Variants in ESYT2 observed in about 807,000 individuals in gnomAD.
ESYT2 encodes extended synaptotagmin 2.
Under a neutral mutation model 107.2 loss-of-function variants are expected in ESYT2, and 54 were observed. That is an observed-to-expected ratio of 0.50 (90% CI 0.40 to 0.63). ESYT2 has a LOEUF of 0.63. Ranked by LOEUF, ESYT2 falls within the 30% of genes least tolerant of loss-of-function variation. The probability of loss-of-function intolerance (pLI) is 0.00; values close to 1 mark genes in which losing one functional copy is unlikely to be tolerated. For missense variants in ESYT2, 1,020 were observed against 1,094.5 expected, an observed-to-expected ratio of 0.93 and a Z score of 0.96; for synonymous variants, 491 against 434.1, an observed-to-expected ratio of 1.13 and a Z score of -1.63.
chr7:158,764,799 A>G lies in ESYT2; in HGVS notation c.979T>C (p.Tyr327His). The G allele has an allele frequency of 6.2e-7, 1 of 1,614,194 alleles. No individual in the cohort carries two copies. The highest frequency in any genetic ancestry group is 1.1e-5 in the South Asian group (1 of 91,086). ...TTTCCCTTGACAAGTCCCTTAAGGT[A>G]AGTGTCTTTCCCCTGAAGATCCTGA... Reference protein sequence around the residue: ...EAQDLQGKDTYLKGLVKGKSD... With the variant: ...EAQDLQGKDTHLKGLVKGKSD... The change falls in exon 9 of 23, where the codon TAC becomes CAC. Residue 327 changes from tyrosine (Y) to histidine (H), a missense_variant. Physicochemically the swap from Tyr to His is moderately conservative, Grantham distance 83. Coordinates refer to ENST00000275418, the MANE Select transcript of ESYT2 (RefSeq NM_001367773.1).
intron 6 of ESYT2, among the ~76,000 whole-genome samples, chr7:158,786,590 A>T (rs1839124376): frequency 6.6e-6 from 1 of 152,244 alleles, no homozygotes; most frequent in Non-Finnish European, 1.5e-5. Context: ...TTCAGTAATA[A>T]GAAAATCAGA....
chr7:158,754,510 C>T (rs1007596188), intron 13 of ESYT2, among the ~76,000 whole-genome samples: 2 of 149,062 alleles, frequency 1.3e-5, no homozygotes, highest in African/African-American at 4.9e-5. Flanking sequence ...TGTGCCCGGC[C>T]TTTTTTTTTT....
At chr7:158,759,858 T>C (rs1398475448) in intron 12 of ESYT2, among the ~76,000 whole-genome samples, 200 bp downstream of exon 12, 2 of 152,222 alleles carry the variant, frequency 1.3e-5, no homozygotes, top group Non-Finnish European at 2.9e-5. Context: ...AAAACAGGTA[T>C]GAAGGACCTA....
intron 21 of ESYT2, 143 bp downstream of exon 21, chr7:158,735,360 T>C: frequency 1.6e-6 from 1 of 641,936 alleles, no homozygotes; most frequent in Non-Finnish European, 2.7e-6. Flanking sequence ...TGACTGTCTT[T>C]ATAGCCCATG....
At chr7:158,744,812 A>G (rs893797470) in intron 16 of ESYT2, among the ~76,000 whole-genome samples, 2 of 152,246 alleles carry the variant, frequency 1.3e-5, no homozygotes, top group African/African-American at 2.4e-5. Flanking sequence ...AAATTAACAC[A>G]TAACTACTCA....
At position 158,799,035 on chromosome 7, in the gene ESYT2, T is replaced by C; in HGVS notation, c.368A>G (p.Asn123Ser). 6.2e-7 allele frequency: 1 copy of C among 1,613,534 alleles called. No homozygotes were observed. Among genetic ancestry groups the C allele is most frequent in the Non-Finnish European group, 8.5e-7 (1 of 1,179,512 alleles). The change falls in exon 2 of 23, where the codon AAT (asparagine) becomes AGT (serine). Residue 123 changes from asparagine (N) to serine (S), a missense_variant. Asn to Ser is a conservative substitution (Grantham distance 46). Coordinates refer to ENST00000275418, the MANE Select transcript of ESYT2 (RefSeq NM_001367773.1). The stretch of plus-strand genomic sequence containing the variant: ...GTTGGTATACTCTAATCTTACCTTA[T>C]TTAGCCATTCTGCTCTTTCAGTGTC... The part of the protein sequence containing the change: ...FPDTERAEWL[N>S]KTVKHMWPFI...
At chr7:158,765,251 C>T (rs909680474) in intron 8 of ESYT2, among the ~76,000 whole-genome samples, 2 of 152,248 alleles carry the variant, frequency 1.3e-5, no homozygotes, top group African/African-American at 2.4e-5. Flanking sequence ...ACAGGCCACC[C>T]AGCTGTACTA....
chr7:158,769,924 T>A (rs867067811), intron 7 of ESYT2, among the ~76,000 whole-genome samples: 6 of 152,122 alleles, frequency 3.9e-5, no homozygotes, highest in Non-Finnish European at 5.9e-5. Flanking sequence ...TTTATTTTTT[T>A]AATTAATTTA....
At chr7:158,786,361 G>GT (rs1004590422) in intron 6 of ESYT2, among the ~76,000 whole-genome samples, 7 of 152,012 alleles carry the variant, frequency 4.6e-5, no homozygotes, top group African/African-American at 1.5e-4. Context: ...GATTACTGAG[G>GT]TTTTTTTGGT....
At position 158,785,897 on chromosome 7, in the gene ESYT2, A is replaced by T. The variant is rs76810936; in HGVS notation, c.747+2107T>A. On this transcript the variant is annotated intron_variant, in intron 6 of 22. Coordinates refer to ENST00000275418, the MANE Select transcript of ESYT2 (RefSeq NM_001367773.1). The stretch of plus-strand genomic sequence containing the variant: ...ATAAAGGTTTCGTAAGGGTTTCTAA[A>T]TCATCCAAATAGTAGAAAGAAATTT... Among the ~76,000 whole-genome samples, 807 of 152,350 alleles carry T rather than the reference A, an allele frequency of 5.3e-3. 43 individuals are homozygous for T. The East Asian group carries it at 0.12, about 22-fold the overall frequency.
chr7:158,748,966 A>T (rs547836065), intron 15 of ESYT2, among the ~76,000 whole-genome samples: 7 of 152,236 alleles, frequency 4.6e-5, no homozygotes, highest in South Asian at 2.1e-4. Context: ...TCGTAATTCT[A>T]ACTGTATTGG....
rs774662806 is a variant in ESYT2 at position 158,731,012 on chromosome 7, G to A, written c.*3195C>T. On this transcript the variant is annotated 3_prime_UTR_variant, in exon 23 of 23. Coordinates refer to ENST00000275418, the MANE Select transcript of ESYT2 (RefSeq NM_001367773.1). The stretch of plus-strand genomic sequence containing the variant: ...AAATCACGACTGAGCTAACATAAAG[G>A]TTTTATTGAATAAATACATGCACTG... The A allele has an allele frequency of 6.6e-6, 1 of 152,164 alleles. No homozygotes were observed. The highest frequency in any genetic ancestry group is 1.5e-5 in the Non-Finnish European group (1 of 68,034). The allele number at this position is 152,164 out of a possible 1,614,324, so 9.4% of individuals were successfully genotyped here.
Position 158,735,623 on chromosome 7 carries a change from G to C in ESYT2, c.2400-15C>G, listed in dbSNP as rs371896081. On this transcript the variant is annotated splice_polypyrimidine_tract_variant and intron_variant, in intron 20 of 22. Transcript: ENST00000275418. ...TGAAATCAAAGCTGAAATAGGAAAC[G>C]AGAGCCTTACTTTATCCATCATTCT... The C allele has an allele frequency of 3.1e-6, 5 of 1,602,380 alleles. No individual in the cohort carries two copies. The highest frequency in any genetic ancestry group is 4.3e-6 in the Non-Finnish European group (5 of 1,169,868).
intron 9 of ESYT2, 52 bp from the exon 10 acceptor site, chr7:158,763,217 C>T (rs760738169): frequency 1.8e-5 from 24 of 1,302,424 alleles, no homozygotes; most frequent in Middle Eastern, 1.9e-4. Flanking sequence ...TATAGTCATA[C>T]ACTGAGTATG....
At position 158,829,139 on chromosome 7, in the gene ESYT2, C is replaced by A. The variant is rs755201168; in HGVS notation, c.280G>T (p.Glu94Ter). Residue 94 changes from glutamate (E) to a stop codon, truncating the protein, a stop_gained, in exon 1 of 23, where the codon GAG (glutamate) becomes TAG (stop). Coordinates refer to ENST00000275418, the MANE Select transcript of ESYT2 (RefSeq NM_001367773.1). LOFTEE classifies it high-confidence loss of function. ...LCRALALLED[E>*]ERVVRLGVRA... ...ACCCCCAGGCGCACGACGCGCTCCT[C>A]GTCTTCCAGCAGCGCCAGCGCGCGG... is the stretch of plus-strand genomic sequence containing the variant. The A allele has an allele frequency of 6.4e-7, 1 of 1,568,894 alleles. No homozygotes were observed. The highest frequency in any genetic ancestry group is 8.6e-7 in the Non-Finnish European group (1 of 1,166,610).
At chr7:158,782,321 AGT>A (rs1224785720) in intron 6 of ESYT2, among the ~76,000 whole-genome samples, 25 of 139,882 alleles carry the variant, frequency 1.8e-4, no homozygotes, top group East Asian at 1.6e-3. Context: ...TGAGTGAACG[AGT>A]GTGAGAACAG....
At chr7:158,764,886 T>G in intron 8 of ESYT2, 33 bp from the exon 9 acceptor site, 1 of 1,601,676 alleles carries the variant, frequency 6.2e-7, no homozygotes, top group Non-Finnish European at 8.5e-7. Context: ...GTTTAGACCC[T>G]TGGCTGGCTT....
intron 21 of ESYT2, 23 bp downstream of exon 21, chr7:158,735,480 T>G: frequency 6.3e-7 from 1 of 1,591,516 alleles, no homozygotes; most frequent in Non-Finnish European, 8.6e-7. Context: ...CAGGAACTGG[T>G]TGAGGATTCG....
intron 21 of ESYT2, among the ~76,000 whole-genome samples, chr7:158,734,934 C>G (rs2129471084): frequency 6.6e-6 from 1 of 152,296 alleles, no homozygotes; most frequent in South Asian, 2.1e-4. Flanking sequence ...CTTTTCTACC[C>G]CCCTGAGCAC....
Sources: gnomAD v4.1 joint callset for allele counts (sites outside exome capture counted in the v4.1 genomes callset) on GRCh38, gnomAD v4.1.1 for gene constraint, MANE v1.5 for transcripts, NCBI Gene and HGNC (gene_info 2026-07-23, HGNC 2026-07-21) for gene names.